NXPH2: variants seen among roughly 807,000 people sequenced by gnomAD.
The protein encoded by NXPH2 is neurexophilin-2.
Under a neutral mutation model 19.8 loss-of-function variants are expected in NXPH2, and 5 were observed. The ratio of observed to expected loss-of-function variants is 0.25; its 90% CI spans 0.13 to 0.53. The LOEUF is 0.53. Among genes scored for constraint, NXPH2 ranks in the 20% least tolerant of loss-of-function variants. The pLI is 0.96. For synonymous variants in NXPH2, 154 were observed against 127.4 expected (o/e 1.21, Z -1.41); for missense variants, 289 against 322.8 (o/e 0.90, Z 0.80).
chr2:138,758,958 G>A (rs1370957287), intron 1 of NXPH2, among the ~76,000 whole-genome samples: 1 of 152,138 alleles, frequency 6.6e-6, no homozygotes, highest in African/African-American at 2.4e-5. Context: ...CAGGTCCTGA[G>A]GCAATTTTGC....
rs759975279 is a variant in NXPH2 at position 138,780,220 on chromosome 2, G to A, written c.22C>T (p.Leu8Phe). MRLRPLPLVVVPGLLQLL... is the reference protein window; with the variant it reads MRLRPLPFVVVPGLLQLL... ...TGCAGCAAGCCAGGGACCACCACGA[G>A]GGGCAGCGGCCGCAGGCGCATGGTG... is the stretch of plus-strand genomic sequence containing the variant. The change falls in exon 1 of 2, where the codon CTC (leucine) becomes TTC (phenylalanine). Residue 8 changes from leucine (L) to phenylalanine (F), a missense_variant. Leu to Phe is a conservative substitution (Grantham distance 22, BLOSUM62 0). Transcript: ENST00000272641. 18 of 1,469,784 alleles carry A rather than the reference G, an allele frequency of 1.2e-5. No individual in the cohort carries two copies. The East Asian group carries it at 4.9e-4, about 40-fold the overall frequency. 91.0% of individuals were successfully genotyped at this position (1,469,784 alleles called of 1,614,324 possible).
chr2:138,673,595 C>A (rs1042760033), intron 1 of NXPH2, among the ~76,000 whole-genome samples: 2 of 151,724 alleles, frequency 1.3e-5, no homozygotes, highest in African/African-American at 2.4e-5. Context: ...CCCTACAATG[C>A]TTTTGAACAT....
At chr2:138,699,105 A>C (rs548611049) in intron 1 of NXPH2, among the ~76,000 whole-genome samples, 1 of 152,342 alleles carries the variant, frequency 6.6e-6, no homozygotes, top group East Asian at 1.9e-4. Context: ...GTACATAAAC[A>C]TATATATACA....
chr2:138,770,282 T>C (rs558875341), intron 1 of NXPH2, among the ~76,000 whole-genome samples: 1 of 152,268 alleles, frequency 6.6e-6, no homozygotes, highest in East Asian at 1.9e-4. Flanking sequence ...AAATCTGGCA[T>C]GTTTCACTTT....
intron 1 of NXPH2, among the ~76,000 whole-genome samples, chr2:138,702,950 T>G (rs570073883): frequency 6.6e-6 from 1 of 152,214 alleles, no homozygotes; most frequent in African/African-American, 2.4e-5. Flanking sequence ...TCAAACTTAA[T>G]GAGAACTAAA....
chr2:138,736,371 G>A, intron 1 of NXPH2, among the ~76,000 whole-genome samples: 1 of 152,318 alleles, frequency 6.6e-6, no homozygotes, highest in Middle Eastern at 3.4e-3. Flanking sequence ...GCACTTGTAG[G>A]TTCAACACTA....
At chr2:138,755,519 A>G (rs962917445) in intron 1 of NXPH2, among the ~76,000 whole-genome samples, 47 of 152,180 alleles carry the variant, frequency 3.1e-4, no homozygotes, top group African/African-American at 1.1e-3. Context: ...TTTTTGCACC[A>G]TTGATCTATG....
chr2:138,750,913 A>G (rs1681819772), intron 1 of NXPH2, among the ~76,000 whole-genome samples: 1 of 152,002 alleles, frequency 6.6e-6, no homozygotes, highest in Non-Finnish European at 1.5e-5. Context: ...GGATGTTTCC[A>G]TGTCTGGCTT....
intron 1 of NXPH2, among the ~76,000 whole-genome samples, chr2:138,681,050 T>C (rs925885074): frequency 1.3e-5 from 2 of 152,208 alleles, no homozygotes; most frequent in African/African-American, 2.4e-5. Context: ...TTCACCTTTC[T>C]ACCTCCAAAG....
chr2:138,729,429 C>T (rs1454993896), intron 1 of NXPH2, among the ~76,000 whole-genome samples: 1 of 152,130 alleles, frequency 6.6e-6, no homozygotes, highest in Admixed American at 6.5e-5. Flanking sequence ...GCCTCTCCAG[C>T]CTTATGAAAC....
At chr2:138,687,299 G>A (rs1370422493) in intron 1 of NXPH2, among the ~76,000 whole-genome samples, 1 of 152,136 alleles carries the variant, frequency 6.6e-6, no homozygotes, top group Non-Finnish European at 1.5e-5. Context: ...TTCTCTGATG[G>A]CCAGTGATGA....
rs370093278 is a variant in NXPH2 at position 138,721,168 on chromosome 2, C to A, written c.52-49503G>T. 9.9e-5 allele frequency among the ~76,000 whole-genome samples: 15 copies of A among 151,972 alleles called. No homozygotes were observed. The East Asian group carries it at 1.4e-3, about 14-fold the overall frequency. On this transcript the variant is annotated intron_variant, in intron 1 of 1. Transcript: ENST00000272641. ...CATCCTGACCAAAATGGTGAAACCC[C>A]CATCTCTACTAAAAATGCAAAAATT...
At chr2:138,716,867 T>G (rs1681203182) in intron 1 of NXPH2, among the ~76,000 whole-genome samples, 1 of 152,192 alleles carries the variant, frequency 6.6e-6, no homozygotes, top group South Asian at 2.1e-4. Flanking sequence ...TGCTTCCTCA[T>G]GTTTAAAATT....
intron 1 of NXPH2, among the ~76,000 whole-genome samples, chr2:138,748,882 G>A (rs1681783824): frequency 6.6e-6 from 1 of 152,106 alleles, no homozygotes; most frequent in Non-Finnish European, 1.5e-5. Context: ...CGTAAGGGAT[G>A]CTCTGATTAT....
chr2:138,778,154 G>T (rs1244715780), intron 1 of NXPH2, among the ~76,000 whole-genome samples: 1 of 152,164 alleles, frequency 6.6e-6, no homozygotes, highest in African/African-American at 2.4e-5. Flanking sequence ...TTATAAGGCT[G>T]GCAACAGCTC....
chr2:138,778,340 CT>C (rs56344422), intron 1 of NXPH2, among the ~76,000 whole-genome samples: 353 of 152,172 alleles, frequency 2.3e-3, no homozygotes, highest in African/African-American at 8.0e-3. Flanking sequence ...TTGACATAAG[CT>C]TTTTTAAAAG....
chr2:138,696,633 C>T (rs977403947), intron 1 of NXPH2, among the ~76,000 whole-genome samples: 3 of 152,118 alleles, frequency 2.0e-5, no homozygotes, highest in Admixed American at 6.6e-5. Context: ...AACTAAAATT[C>T]CTGTACATTG....
chr2:138,705,823 G>T (rs1313259817), intron 1 of NXPH2, among the ~76,000 whole-genome samples: 2 of 152,262 alleles, frequency 1.3e-5, no homozygotes, highest in African/African-American at 4.8e-5. Context: ...CATTCATATA[G>T]CTGAGGATGT....
At chr2:138,769,654 AC>A (rs1682145848) in intron 1 of NXPH2, among the ~76,000 whole-genome samples, 1 of 152,070 alleles carries the variant, frequency 6.6e-6, no homozygotes, top group Non-Finnish European at 1.5e-5. Flanking sequence ...AATTCCCACC[AC>A]CCAGCTTAGT....
Sources: allele counts gnomAD v4.1 joint callset (sites outside exome capture counted in the v4.1 genomes callset), GRCh38; gene constraint gnomAD v4.1.1; transcripts MANE v1.5; gene names NCBI Gene and HGNC (gene_info 2026-07-23, HGNC 2026-07-21).